CNTN5: variants seen among roughly 807,000 people sequenced by gnomAD.
CNTN5 encodes the protein contactin 5, also known as contactin-5.
Under a neutral mutation model 129.1 loss-of-function variants are expected in CNTN5, and 77 were observed. That is an observed-to-expected ratio of 0.60 (90% CI 0.50 to 0.72). CNTN5 has a LOEUF of 0.72. Among genes scored for constraint, CNTN5 ranks in the 30% least tolerant of loss-of-function variants. The probability of loss-of-function intolerance (pLI) is 0.00; values close to 1 mark genes in which losing one functional copy is unlikely to be tolerated. For missense variants in CNTN5, 1,478 were observed against 1,328.8 expected, an observed-to-expected ratio of 1.11 and a Z score of -1.75; for synonymous variants, 509 against 465.6, an observed-to-expected ratio of 1.09 and a Z score of -1.20.
At chr11:99,763,549 GC>G (rs1224354968) in intron 3 of CNTN5, among the ~76,000 whole-genome samples, 1 of 151,974 alleles carries the variant, frequency 6.6e-6, no homozygotes, top group African/African-American at 2.4e-5. Context: ...TTACAACAAA[GC>G]CTTTTCTATT....
In CNTN5 at chr11:100,193,708, A is replaced by C. The variant is rs572851251; in HGVS notation, c.1884+45A>C. 208 of 1,551,644 alleles carry C rather than the reference A, an allele frequency of 1.3e-4. No homozygotes were observed. In the East Asian group the frequency reaches 4.7e-3, roughly 35 times the overall value. ...TTCTTTTAGTAATGATAACTTTAGA[A>C]ATTTTGAATCAAATGTAAGACCTTG... On this transcript the variant is annotated intron_variant, in intron 15 of 24. Coordinates refer to ENST00000524871, the MANE Select transcript of CNTN5 (RefSeq NM_014361.4).
intron 1 of CNTN5, among the ~76,000 whole-genome samples, chr11:99,094,017 T>C (rs1866367272): frequency 6.6e-6 from 1 of 151,998 alleles, no homozygotes; most frequent in Non-Finnish European, 1.5e-5. Flanking sequence ...GAAATATTTC[T>C]GAACATTAAT....
intron 17 of CNTN5, among the ~76,000 whole-genome samples, chr11:100,270,722 G>A (rs892787628): frequency 9.9e-5 from 15 of 152,188 alleles, no homozygotes; most frequent in African/African-American, 3.6e-4. Context: ...CCAGAACTGG[G>A]AGAGCAAACT....
At chr11:99,324,797 A>T (rs1865711475) in intron 1 of CNTN5, among the ~76,000 whole-genome samples, 1 of 151,736 alleles carries the variant, frequency 6.6e-6, no homozygotes, top group Non-Finnish European at 1.5e-5. Flanking sequence ...GCCCTCCACC[A>T]CGCCCAGCTA....
At chr11:99,316,304 G>C (rs932586442) in intron 1 of CNTN5, among the ~76,000 whole-genome samples, 4 of 152,142 alleles carry the variant, frequency 2.6e-5, no homozygotes, top group Non-Finnish European at 4.4e-5. Flanking sequence ...CCTCGAAAAA[G>C]ACATATTCTT....
intron 6 of CNTN5, among the ~76,000 whole-genome samples, chr11:99,879,718 T>C (rs1204845784): frequency 6.6e-6 from 1 of 152,212 alleles, no homozygotes; most frequent in Admixed American, 6.5e-5. Flanking sequence ...AACACTTTAT[T>C]CCATGCAATG....
chr11:99,407,260 G>T (rs1004004214), intron 2 of CNTN5, among the ~76,000 whole-genome samples: 9 of 152,138 alleles, frequency 5.9e-5, no homozygotes, highest in African/African-American at 1.9e-4. Flanking sequence ...GGGCTCTTCA[G>T]TTAGAAACTG....
intron 1 of CNTN5, among the ~76,000 whole-genome samples, chr11:99,267,678 A>G (rs1862968168): frequency 6.6e-6 from 1 of 151,976 alleles, no homozygotes; most frequent in Non-Finnish European, 1.5e-5. Context: ...CAACCATTAT[A>G]AGCTTCCCAT....
At chr11:100,140,858 G>A (rs1946678227) in intron 13 of CNTN5, among the ~76,000 whole-genome samples, 1 of 152,130 alleles carries the variant, frequency 6.6e-6, no homozygotes, top group Non-Finnish European at 1.5e-5. Flanking sequence ...ACCTGGTGAT[G>A]TAAGAGTCAA....
intron 2 of CNTN5, among the ~76,000 whole-genome samples, chr11:99,549,065 A>G (rs1565284283): frequency 1.4e-5 from 2 of 147,822 alleles, no homozygotes; most frequent in Non-Finnish European, 3.0e-5. Context: ...TTTTATTCCT[A>G]TTTCCTCTTT....
At chr11:100,287,411 G>A (rs1162665708) in intron 18 of CNTN5, among the ~76,000 whole-genome samples, 168 of 150,244 alleles carry the variant, frequency 1.1e-3, no homozygotes, top group Middle Eastern at 6.9e-3. Flanking sequence ...CGGATCTCTC[G>A]GCAGAAACCC....
At chr11:99,857,125 A>G (rs1167487672) in intron 6 of CNTN5, among the ~76,000 whole-genome samples, 1 of 145,680 alleles carries the variant, frequency 6.9e-6, no homozygotes, top group Non-Finnish European at 1.5e-5. Context: ...CCTTTGTCTC[A>G]TATGATTCCT....
At chr11:99,389,318 G>T (rs926856600) in intron 2 of CNTN5, among the ~76,000 whole-genome samples, 3 of 151,866 alleles carry the variant, frequency 2.0e-5, no homozygotes, top group Admixed American at 6.6e-5. Flanking sequence ...GTGAGCCACC[G>T]TGCCTGGCCT....
intron 13 of CNTN5, among the ~76,000 whole-genome samples, chr11:100,076,534 G>A (rs185212495): frequency 7.7e-4 from 117 of 152,064 alleles, no homozygotes; most frequent in Non-Finnish European, 1.3e-3. Context: ...CAACTTTCTT[G>A]TTTCTCTTCC....
At chr11:99,362,294 T>C (rs1426506504) in intron 2 of CNTN5, among the ~76,000 whole-genome samples, 2 of 152,056 alleles carry the variant, frequency 1.3e-5, no homozygotes, top group Non-Finnish European at 2.9e-5. Context: ...TGAAGAAATG[T>C]CTGTTCAAGT....
At chr11:100,244,679 G>T (rs1391107623) in intron 16 of CNTN5, among the ~76,000 whole-genome samples, 2 of 152,098 alleles carry the variant, frequency 1.3e-5, no homozygotes, top group Non-Finnish European at 2.9e-5. Flanking sequence ...TGTGGTCATA[G>T]GAATATATTG....
chr11:100,122,352 C>T (rs1029959560), intron 13 of CNTN5, among the ~76,000 whole-genome samples: 2 of 152,010 alleles, frequency 1.3e-5, no homozygotes, highest in African/African-American at 2.4e-5. Flanking sequence ...TCTTGCGTCT[C>T]TTTTTGTTCT....
chr11:99,479,400 C>T (rs189297051), intron 2 of CNTN5, among the ~76,000 whole-genome samples: 2 of 151,586 alleles, frequency 1.3e-5, no homozygotes, highest in African/African-American at 4.8e-5. Flanking sequence ...AAAAAGAAAC[C>T]CTTTGACTGG....
chr11:99,880,980 C>A (rs1948757397), intron 6 of CNTN5, among the ~76,000 whole-genome samples: 1 of 152,056 alleles, frequency 6.6e-6, no homozygotes, highest in African/African-American at 2.4e-5. Flanking sequence ...TAGAAGCTAT[C>A]CACTGAGAAA....
Sources: gnomAD v4.1 joint callset for allele counts (sites outside exome capture counted in the v4.1 genomes callset) on GRCh38, gnomAD v4.1.1 for gene constraint, MANE v1.5 for transcripts, NCBI Gene and HGNC (gene_info 2026-07-23, HGNC 2026-07-21) for gene names.